Variants in IGFN1 observed in about 807,000 individuals in gnomAD.
IGFN1 encodes the protein immunoglobulin-like and fibronectin type III domain-containing protein 1.
IGFN1 carries 253 observed loss-of-function variants against 289.5 expected under a neutral mutation model. The ratio of observed to expected loss-of-function variants is 0.87; its 90% CI spans 0.79 to 0.97. IGFN1 has a LOEUF of 0.97. IGFN1 is among the 50% of genes least tolerant of loss of function. The pLI, the probability that IGFN1 is intolerant of heterozygous loss-of-function variation, is 0.00. For synonymous variants in IGFN1, 1,706 were observed against 1,788.5 expected, an observed-to-expected ratio of 0.95 and a Z score of 1.16; for missense variants, 4,470 against 4,686.1, an observed-to-expected ratio of 0.95 and a Z score of 1.35.
At position 201,205,295 on chromosome 1, in the gene IGFN1, T is replaced by C. The variant is rs531557599; in HGVS notation, c.1130T>C (p.Met377Thr). 1 of 1,550,646 alleles carries C rather than the reference T, an allele frequency of 6.4e-7. No homozygotes were observed. Among genetic ancestry groups the C allele is most frequent in the South Asian group, 1.2e-5 (1 of 84,008 alleles). The change falls in exon 11 of 24, where the codon ATG (methionine) becomes ACG (threonine). Residue 377 changes from methionine (M) to threonine (T), a missense_variant. Around this residue, in one of 8 missense-constraint regions of IGFN1, gnomAD observed 2,011 missense variants for 1,953.4 expected, o/e 1.03. Transcript: ENST00000335211. ...LVVRGARFSD[M>T]GPYSLGTGLY... ...GTGAGGGGGGCACGTTTCTCAGACATGGGCCCCTATTCGCTGGGCACCGGG... is the reference window on the plus strand; with the variant it reads ...GTGAGGGGGGCACGTTTCTCAGACACGGGCCCCTATTCGCTGGGCACCGGG...
At chr1:201,214,949 A>C in intron 13 of IGFN1, 64 bp from the exon 14 acceptor site, 9 of 1,553,956 alleles carry the variant, frequency 5.8e-6, no homozygotes, top group Non-Finnish European at 3.5e-6. Flanking sequence ...GGCTCTGGTT[A>C]GCTGGCCTGA....
At chr1:201,224,912 C>T (rs764145107) in intron 21 of IGFN1, 38 bp downstream of exon 21, 19 of 1,515,040 alleles carry the variant, frequency 1.3e-5, no homozygotes, top group African/African-American at 5.5e-5. Flanking sequence ...GACGCTGGCT[C>T]GGCCACTCAC....
intron 3 of IGFN1, among the ~76,000 whole-genome samples, chr1:201,194,816 C>A (rs2102316176): frequency 6.6e-6 from 1 of 152,278 alleles, no homozygotes; most frequent in South Asian, 2.1e-4. Flanking sequence ...ACACACCCTG[C>A]AATAAATTTT....
intron 5 of IGFN1, among the ~76,000 whole-genome samples, chr1:201,198,926 C>T (rs1282995973): frequency 6.6e-6 from 1 of 152,196 alleles, no homozygotes; most frequent in African/African-American, 2.4e-5. Flanking sequence ...AATGTCTGAC[C>T]TATTTGGCAA....
At chr1:201,203,162 T>C (rs1667237702) in intron 9 of IGFN1, among the ~76,000 whole-genome samples, 1 of 152,232 alleles carries the variant, frequency 6.6e-6, no homozygotes, top group African/African-American at 2.4e-5. Flanking sequence ...CTTTGTTTTA[T>C]GCATTGATGT....
rs867865696 is a variant in IGFN1 at position 201,210,009 on chromosome 1, A to G, written c.5116A>G (p.Asn1706Asp). The G allele has an allele frequency of 2.0e-5, 29 of 1,461,568 alleles. No homozygotes were observed. The highest frequency in any genetic ancestry group is 2.3e-5 in the Admixed American group (1 of 44,060). The allele number at this position is 1,461,568 out of a possible 1,614,324, so 90.5% of individuals were successfully genotyped here. ...GAGTTCTGTAGAAATGGGGTCAGTGAATGAGGCAGGTTATAGGAAGGATTT... is the reference window on the plus strand; with the variant it reads ...GAGTTCTGTAGAAATGGGGTCAGTGGATGAGGCAGGTTATAGGAAGGATTT... ...LGSSVEMGSV[N>D]EAGYRKDLGA... The change falls in exon 12 of 24, where the codon AAT becomes GAT. Residue 1706 changes from asparagine (N) to aspartate (D), a missense_variant. Asn to Asp is a conservative substitution (Grantham distance 23). Coordinates refer to ENST00000335211, the MANE Select transcript of IGFN1 (RefSeq NM_001164586.2).
At chr1:201,222,945 G>C in intron 20 of IGFN1, 118 bp downstream of exon 20, 1 of 586,780 alleles carries the variant, frequency 1.7e-6, no homozygotes, top group Non-Finnish European at 3.0e-6. Context: ...AGTGCTTGTG[G>C]AAATCACTGA....
At position 201,210,802 on chromosome 1, in the gene IGFN1, A is replaced by G. The variant is rs1180824282; in HGVS notation, c.5909A>G (p.Lys1970Arg). Residue 1970 changes from lysine (K) to arginine (R), a missense_variant, in exon 12 of 24, where the codon AAG (lysine) becomes AGG (arginine). Around this residue, in one of 8 missense-constraint regions of IGFN1, gnomAD observed 108 missense variants for 128.7 expected, o/e 0.84. Coordinates refer to ENST00000335211, the MANE Select transcript of IGFN1 (RefSeq NM_001164586.2). The part of the protein sequence containing the change: ...AGYRKDLGAP[K>R]GMGSGSKEGF... ...TATAGGAAGGATTTGGGGGCTCCTA[A>G]GGGAATGGGTTCAGGGAGTAAGGAA... 7 of 1,534,124 alleles carry G rather than the reference A, an allele frequency of 4.6e-6. No homozygotes were observed.
At position 201,228,403 on chromosome 1, in the gene IGFN1, C is replaced by T. The variant is rs3738273; in HGVS notation, c.*4C>T. Reference sequence around the variant, plus strand: ...TCTTGCAGAACCCAGCACCTAGCCTCACCTCACCCTGGGATGGTCCTGGAC... The same window carrying T: ...TCTTGCAGAACCCAGCACCTAGCCTTACCTCACCCTGGGATGGTCCTGGAC... On this transcript the variant is annotated 3_prime_UTR_variant, in exon 24 of 24. Coordinates refer to ENST00000335211, the MANE Select transcript of IGFN1 (RefSeq NM_001164586.2). 0.018 allele frequency: 28,635 copies of T among 1,613,896 alleles called. 3,477 individuals are homozygous for T. The African/African-American group carries it at 0.29, about 16-fold the overall frequency.
At position 201,225,957 on chromosome 1, in the gene IGFN1, G is replaced by A. The variant is rs779335394; in HGVS notation, c.10620G>A (p.Ala3540=). 23 of 1,591,946 alleles carry A rather than the reference G, an allele frequency of 1.4e-5. No homozygotes were observed. The highest frequency in any genetic ancestry group is 3.4e-5 in the South Asian group (3 of 87,066). The change falls in exon 22 of 24, where the codon GCG becomes GCA. Residue 3540 remains alanine (A), a synonymous_variant. Transcript: ENST00000335211. The part of the protein sequence containing the change: ...LHYAVFTRSS[A]HGPWHEAADR... ...ACGCGGTGTTCACACGCTCCTCAGC[G>A]CACGGTCCCTGGCACGAGGCAGCCG...
chr1:201,193,704 G>A lies in IGFN1; in HGVS notation c.7+404G>A, dbSNP rs578153926. The stretch of plus-strand genomic sequence containing the variant: ...TGACCTCAGGTGATCTGCCCACCTC[G>A]GCCTCCGAAAGTGCTGGGATTACTG... On this transcript the variant is annotated intron_variant, in intron 2 of 23. Coordinates refer to ENST00000335211, the MANE Select transcript of IGFN1 (RefSeq NM_001164586.2). Among the ~76,000 whole-genome samples the A allele has an allele frequency of 9.1e-4, 138 of 152,228 alleles. 1 individual carries two copies. Among genetic ancestry groups the A allele is most frequent in the Middle Eastern group, 6.8e-3 (2 of 294 alleles).
chr1:201,209,203 G>A lies in IGFN1; in HGVS notation c.4310G>A (p.Gly1437Glu). Residue 1437 changes from glycine to glutamate, a missense_variant, in exon 12 of 24, where the codon GGG becomes GAG. Physicochemically the swap from Gly to Glu is moderately conservative, Grantham distance 98. Around this residue, in one of 8 missense-constraint regions of IGFN1, gnomAD observed 2,011 missense variants for 1,953.4 expected, o/e 1.03. Transcript: ENST00000335211. ...DLGAPEGMGTGSKAGYRDGLR... is the reference protein window; with the variant it reads ...DLGAPEGMGTESKAGYRDGLR... The stretch of plus-strand genomic sequence containing the variant: ...GGGGCTCCTGAGGGAATGGGCACAG[G>A]GAGCAAGGCAGGTTATAGGGATGGC... 2 of 1,496,410 alleles carry A rather than the reference G, an allele frequency of 1.3e-6. No homozygotes were observed. The highest frequency in any genetic ancestry group is 2.7e-5 in the South Asian group (2 of 74,994). The allele number at this position is 1,496,410 out of a possible 1,614,324, so 92.7% of individuals were successfully genotyped here. A position where few individuals can be genotyped will look rare whatever the true frequency, so the allele number is the denominator to read the frequency against.
intron 16 of IGFN1, 142 bp from the exon 17 acceptor site, chr1:201,217,145 G>A (rs1046043986): frequency 2.6e-5 from 18 of 699,004 alleles, no homozygotes; most frequent in East Asian, 7.9e-5. Flanking sequence ...GACCTAGGGC[G>A]GGCTGCCTCA....
Position 201,212,723 on chromosome 1 carries a change from G to A in IGFN1, c.7830G>A (p.Lys2610=). 2 of 1,551,164 alleles carry A rather than the reference G, an allele frequency of 1.3e-6. No individual in the cohort carries two copies. Among genetic ancestry groups the A allele is most frequent in the Non-Finnish European group, 1.7e-6 (2 of 1,146,732 alleles). ...DSGSMPGGRG[K]STSGPADRQG... is the part of the protein sequence containing the mutation. ...GCTCTATGCCTGGGGGAAGGGGCAA[G>A]TCAACATCAGGGCCTGCTGATAGAC... is the stretch of plus-strand genomic sequence containing the variant. The change falls in exon 12 of 24, where the codon AAG becomes AAA. Residue 2610 remains lysine (K), a synonymous_variant. Coordinates refer to ENST00000335211, the MANE Select transcript of IGFN1 (RefSeq NM_001164586.2).
chr1:201,221,804 C>A (rs1033963699), intron 19 of IGFN1, 58 bp downstream of exon 19: 2 of 1,451,466 alleles, frequency 1.4e-6, no homozygotes, highest in East Asian at 2.3e-5. Flanking sequence ...TAAGAGGGGG[C>A]CCCTGAGTAG....
Position 201,207,061 on chromosome 1 carries a change from G to C in IGFN1, c.2168G>C (p.Gly723Ala). ...GGAGAGTTGCTAGAACAGATACCTGGAGGCAAGGACTTCCAGGAACCATCA... is the reference window on the plus strand; with the variant it reads ...GGAGAGTTGCTAGAACAGATACCTGCAGGCAAGGACTTCCAGGAACCATCA... ...GSGELLEQIP[G>A]GKDFQEPSIS... The change falls in exon 12 of 24, where the codon GGA (glycine) becomes GCA (alanine). Residue 723 changes from glycine to alanine, a missense_variant. Around this residue, in one of 8 missense-constraint regions of IGFN1, gnomAD observed 2,011 missense variants for 1,953.4 expected, o/e 1.03. Transcript: ENST00000335211. The C allele has an allele frequency of 6.5e-7, 1 of 1,536,994 alleles. No individual in the cohort carries two copies. The highest frequency in any genetic ancestry group is 8.7e-7 in the Non-Finnish European group (1 of 1,146,866).
In IGFN1 at chr1:201,206,961, A is replaced by G; in HGVS notation, c.2068A>G (p.Met690Val). 2.0e-6 allele frequency: 3 copies of G among 1,536,252 alleles called. No homozygotes were observed. The highest frequency in any genetic ancestry group is 1.2e-5 in the South Asian group (1 of 83,962). ...GGRGSGSKVG[M>V]APESWGSQGG... Reference sequence around the variant, plus strand: ...AAGAGGTTCTGGCTCCAAGGTGGGCATGGCCCCTGAATCCTGGGGTTCTCA... The same window carrying G: ...AAGAGGTTCTGGCTCCAAGGTGGGCGTGGCCCCTGAATCCTGGGGTTCTCA... Residue 690 changes from methionine (M) to valine (V), a missense_variant, in exon 12 of 24, where the codon ATG (methionine) becomes GTG (valine). By Grantham distance (21) the Met-to-Val change is conservative. Transcript: ENST00000335211.
chr1:201,213,228 G>C lies in IGFN1; in HGVS notation c.8335G>C (p.Gly2779Arg). Residue 2779 changes from glycine to arginine, a missense_variant, in exon 12 of 24, where the codon GGG becomes CGG. This residue lies in a region of IGFN1 where 2,218 missense variants were observed against 2,114.1 expected (regional missense o/e 1.05). Coordinates refer to ENST00000335211, the MANE Select transcript of IGFN1 (RefSeq NM_001164586.2). ...RGGKRSLGEQ[G>R]SLEAENGEVQ... ...AGGAAAGAGGTCCCTCGGGGAGCAGGGGTCCCTGGAGGCTGAGAATGGTGA... is the reference window on the plus strand; with the variant it reads ...AGGAAAGAGGTCCCTCGGGGAGCAGCGGTCCCTGGAGGCTGAGAATGGTGA... 1 of 1,551,748 alleles carries C rather than the reference G, an allele frequency of 6.4e-7. No individual in the cohort carries two copies.
At position 201,212,792 on chromosome 1, in the gene IGFN1, G is replaced by T. The variant is rs12060924; in HGVS notation, c.7899G>T (p.Gly2633=). 518,979 of 1,551,180 alleles carry T rather than the reference G, an allele frequency of 0.33. 88,189 individuals are homozygous for T. Among genetic ancestry groups the T allele is most frequent in the South Asian group, 0.38 (31,629 of 84,044 alleles). ...GGGCTCCTGATTGGGAAAACCAGGG[G>T]TTTAGCCAAGGCAGCATAGATGCTG... is the stretch of plus-strand genomic sequence containing the variant. ...NAWAPDWENQ[G]FSQGSIDAGK... is the part of the protein sequence containing the mutation. The change falls in exon 12 of 24, where the codon GGG becomes GGT. Residue 2633 remains glycine, a synonymous_variant. Transcript: ENST00000335211.
Sources: allele counts gnomAD v4.1 joint callset (sites outside exome capture counted in the v4.1 genomes callset), GRCh38; gene constraint gnomAD v4.1.1; regional missense constraint gnomAD v4.1.1; transcripts MANE v1.5; gene names NCBI Gene and HGNC (gene_info 2026-07-23, HGNC 2026-07-21).